TSR1: variants seen among roughly 807,000 people sequenced by gnomAD.
The protein encoded by TSR1 is TSR1 ribosome maturation factor.
A neutral mutation model predicts 90.9 loss-of-function variants in TSR1; 81 were observed. That is an observed-to-expected ratio of 0.89 (90% confidence interval 0.74 to 1.07). TSR1 has a LOEUF of 1.07. Among genes scored for constraint, TSR1 ranks in the 50% least tolerant of loss-of-function variants. The pLI is 0.00. For synonymous variants in TSR1, 362 were observed against 348.8 expected (o/e 1.04, Z -0.42); for missense variants, 989 against 987.3 (o/e 1.00, Z -0.02).
At chr17:2,328,919 CAAAAAAAAAAAAAAAA>C (rs56003468) in intron 11 of TSR1, 11 of 92,424 alleles carry the variant, frequency 1.2e-4, no homozygotes, top group Non-Finnish European at 2.1e-4. Context: ...GACTCCGTCT[CAAAAAAAAAAAAAAAA>C]AAAAAAAAAA....
intron 2 of TSR1, 82 bp downstream of exon 2, chr17:2,335,955 C>T (rs1279748209): frequency 6.9e-7 from 1 of 1,452,012 alleles, no homozygotes; most frequent in African/African-American, 1.4e-5. Flanking sequence ...GGACCCTCCT[C>T]CCGGTCTCAT....
intron 8 of TSR1, 61 bp downstream of exon 8, chr17:2,332,108 A>G: frequency 6.3e-7 from 1 of 1,580,136 alleles, no homozygotes. Flanking sequence ...CACAGCTCTG[A>G]GCCAAGTTTT....
intron 5 of TSR1, among the ~76,000 whole-genome samples, chr17:2,334,146 A>C (rs897459510): frequency 6.6e-6 from 1 of 152,044 alleles, no homozygotes; most frequent in African/African-American, 2.4e-5. Context: ...TACTTTCTCA[A>C]CTTCCACTGC....
At chr17:2,333,781 C>T (rs1326544058) in intron 5 of TSR1, 65 bp from the exon 6 acceptor site, 6 of 1,582,438 alleles carry the variant, frequency 3.8e-6, no homozygotes, top group Non-Finnish European at 5.2e-6. Flanking sequence ...AACACAGTAA[C>T]CAGAAAGACC....
chr17:2,327,885 T>G (rs941013485), intron 11 of TSR1, among the ~76,000 whole-genome samples: 9 of 152,196 alleles, frequency 5.9e-5, no homozygotes, highest in Non-Finnish European at 1.2e-4. Context: ...CATTATTCCT[T>G]ATTTTCCCAA....
chr17:2,331,494 A>G lies in TSR1; in HGVS notation c.1497-385T>C, dbSNP rs369758615. On this transcript the variant is annotated intron_variant, in intron 8 of 14. Coordinates refer to ENST00000301364, the MANE Select transcript of TSR1 (RefSeq NM_018128.5). Reference sequence around the variant, plus strand: ...TCCTTGTTGAGTGAGTTCTCATGAGATCTAGTTGTTTAAAGTGTGTAGCAC... The same window carrying G: ...TCCTTGTTGAGTGAGTTCTCATGAGGTCTAGTTGTTTAAAGTGTGTAGCAC... Among the ~76,000 whole-genome samples, 7 of 151,286 alleles carry G rather than the reference A, an allele frequency of 4.6e-5. 1 individual carries two copies. The East Asian group carries it at 1.4e-3, about 30-fold the overall frequency.
Position 2,330,637 on chromosome 17 carries a change from A to C in TSR1, c.1660-12T>G. On this transcript the variant is annotated splice_polypyrimidine_tract_variant and intron_variant, in intron 9 of 14. Coordinates refer to ENST00000301364, the MANE Select transcript of TSR1 (RefSeq NM_018128.5). The stretch of plus-strand genomic sequence containing the variant: ...ACATACCAGCCAACCTGCCACAAGA[A>C]AGCAGAAAGCAATCATGGAGTTACC... 6.2e-7 allele frequency: 1 copy of C among 1,612,084 alleles called. No individual in the cohort carries two copies. The highest frequency in any genetic ancestry group is 1.1e-5 in the South Asian group (1 of 90,956).
Position 2,329,264 on chromosome 17 carries a change from T to C in TSR1, c.1903+79A>G, listed in dbSNP as rs182198270. On this transcript the variant is annotated intron_variant, in intron 11 of 14. Transcript: ENST00000301364. ...CCAGAGATGTAAGATTTTGAAACCA[T>C]ATATTTTGGCACCCCTCCACCACAA... 2.5e-6 allele frequency: 4 copies of C among 1,597,868 alleles called. No individual in the cohort carries two copies. The East Asian group carries it at 8.9e-5, about 36-fold the overall frequency.
rs752473301 is a variant in TSR1, at chr17:2,323,434, G to A, written c.*762C>T. The A allele has an allele frequency of 1.8e-4, 264 of 1,473,690 alleles. No individual in the cohort carries two copies. The African/African-American group carries it at 2.3e-3, about 13-fold the overall frequency. 91.3% of individuals were successfully genotyped at this position (1,473,690 alleles called of 1,614,324 possible). ...CCCTTAGGAGTAGCAAGTGACCCAC[G>A]GGAACCTGACTAGGTAACTTCATGA... is the stretch of plus-strand genomic sequence containing the variant. On this transcript the variant is annotated 3_prime_UTR_variant, in exon 15 of 15. Coordinates refer to ENST00000301364, the MANE Select transcript of TSR1 (RefSeq NM_018128.5).
rs759047923 is a variant in TSR1 at position 2,329,485 on chromosome 17, A to T, written c.1771-10T>A. On this transcript the variant is annotated splice_polypyrimidine_tract_variant and intron_variant, in intron 10 of 14. Transcript: ENST00000301364. ...TATTCAATACTGACATCTGGGGACC[A>T]AGTAAGAAAAACAAAAATCTTCATA... 4 of 1,613,002 alleles carry T rather than the reference A, an allele frequency of 2.5e-6. No homozygotes were observed. The highest frequency in any genetic ancestry group is 1.7e-6 in the Non-Finnish European group (2 of 1,179,690).
In TSR1 at chr17:2,335,536, C is replaced by T. The variant is rs1292956601; in HGVS notation, c.396G>A (p.Arg132=). 1.9e-6 allele frequency: 3 copies of T among 1,613,960 alleles called. No homozygotes were observed. In the African/African-American group the frequency reaches 4.0e-5, roughly 22 times the overall value. The change falls in exon 3 of 15, where the codon CGG becomes CGA. Residue 132 remains arginine (R), a synonymous_variant. Coordinates refer to ENST00000301364, the MANE Select transcript of TSR1 (RefSeq NM_018128.5). ...CTGGCCTTGCTGAGGTGAAAAACCA[C>T]CGATGTTTCAAGCGGGGGCACAGCA... ...FMLLCPRLKH[R]WFFTSARPGD... is the part of the protein sequence containing the mutation.
chr17:2,328,052 G>T (rs1477242123), intron 11 of TSR1, among the ~76,000 whole-genome samples: 1 of 151,536 alleles, frequency 6.6e-6, no homozygotes, highest in African/African-American at 2.4e-5. Context: ...AGACCAGCCT[G>T]GCCAGCATGG....
chr17:2,325,019 C>T (rs1597273668), intron 12 of TSR1, 190 bp from the exon 13 acceptor site: 1 of 640,028 alleles, frequency 1.6e-6, no homozygotes, highest in South Asian at 2.2e-5. Context: ...ACTTGTACTT[C>T]AAGAGAAATG....
intron 9 of TSR1, 59 bp from the exon 10 acceptor site, chr17:2,330,684 G>A (rs1597277139): frequency 6.5e-7 from 1 of 1,533,406 alleles, no homozygotes; most frequent in Non-Finnish European, 9.0e-7. Context: ...CAATAGCGAG[G>A]AAGCTTTCTC....
rs142347277 is a variant in TSR1 at position 2,332,565 on chromosome 17, G to A, written c.1306-206C>T. ...AAACTAACCATACACGGCCGGGTGC[G>A]GTGGCTCACGCCTGTAATCCCAGCA... On this transcript the variant is annotated intron_variant, in intron 7 of 14. Coordinates refer to ENST00000301364, the MANE Select transcript of TSR1 (RefSeq NM_018128.5). 4.6e-5 allele frequency among the ~76,000 whole-genome samples: 7 copies of A among 152,258 alleles called. No individual in the cohort carries two copies. The East Asian group carries it at 1.3e-3, about 29-fold the overall frequency.
chr17:2,330,823 T>G, intron 9 of TSR1, 124 bp downstream of exon 9: 1 of 1,138,368 alleles, frequency 8.8e-7, no homozygotes, highest in Non-Finnish European at 1.2e-6. Context: ...ATCATTCTAA[T>G]CAATGACTCA....
chr17:2,330,832 CA>C, intron 9 of TSR1, 114 bp downstream of exon 9: 1 of 1,231,490 alleles, frequency 8.1e-7, no homozygotes, highest in Non-Finnish European at 1.1e-6. Context: ...ATCAATGACT[CA>C]GGGGCTCCCC....
chr17:2,332,492 G>C lies in TSR1; in HGVS notation c.1306-133C>G, dbSNP rs2064013239. 4 of 781,968 alleles carry C rather than the reference G, an allele frequency of 5.1e-6. No homozygotes were observed. The South Asian group carries it at 8.5e-5, about 17-fold the overall frequency. The allele number at this position is 781,968 out of a possible 1,614,324, so 48.4% of individuals were successfully genotyped here. A position where few individuals can be genotyped will look rare whatever the true frequency, so the allele number is the denominator to read the frequency against. On this transcript the variant is annotated intron_variant, in intron 7 of 14. Transcript: ENST00000301364. ...AACATAAATTCTAATACAGTCTAAA[G>C]TATAAAACAAAAGCCTCATTCCTGG... is the stretch of plus-strand genomic sequence containing the variant.
At chr17:2,334,960 T>A in intron 4 of TSR1, 64 bp from the exon 5 acceptor site, 1 of 1,509,414 alleles carries the variant, frequency 6.6e-7, no homozygotes, top group African/African-American at 1.4e-5. Flanking sequence ...CCCTCTGCAG[T>A]TCACAAACAA....
Sources: gnomAD v4.1 joint callset for allele counts (sites outside exome capture counted in the v4.1 genomes callset) on GRCh38, gnomAD v4.1.1 for gene constraint, MANE v1.5 for transcripts, NCBI Gene and HGNC (gene_info 2026-07-23, HGNC 2026-07-21) for gene names.